RAB6B: variants seen among roughly 807,000 people sequenced by gnomAD.
RAB6B encodes the protein ras-related protein Rab-6B.
In RAB6B, 7 loss-of-function variants were observed where a neutral mutation model predicts 31.2. That is an observed-to-expected ratio of 0.22 (90% CI 0.13 to 0.42). The LOEUF (loss-of-function observed/expected upper bound fraction) is 0.42, where lower values mean the gene tolerates loss of function less well. Ranked by LOEUF, RAB6B falls within the 10% of genes least tolerant of loss-of-function variation. The pLI is 1.00. For missense variants in RAB6B, 149 were observed against 280.6 expected (o/e 0.53, Z 3.35); for synonymous variants, 105 against 104.9 (o/e 1.00, Z -0.01).
At chr3:133,838,484 CCTTT>C (rs1362991458) in intron 5 of RAB6B, among the ~76,000 whole-genome samples, 3 of 152,224 alleles carry the variant, frequency 2.0e-5, no homozygotes, top group African/African-American at 4.8e-5. Flanking sequence ...CCCACTCCTT[CCTTT>C]GTGTCTTCTC....
At chr3:133,842,276 T>C (rs956155184) in intron 2 of RAB6B, among the ~76,000 whole-genome samples, 3 of 152,224 alleles carry the variant, frequency 2.0e-5, no homozygotes, top group African/African-American at 7.2e-5. Context: ...AGCTCCCCTG[T>C]GCCACACCTA....
chr3:133,871,791 C>G (rs1936327473), intron 1 of RAB6B, among the ~76,000 whole-genome samples: 1 of 152,268 alleles, frequency 6.6e-6, no homozygotes, highest in Non-Finnish European at 1.5e-5. Flanking sequence ...GTGTACCACC[C>G]ACTAGCTAGC....
chr3:133,890,256 G>GC (rs913166237), intron 1 of RAB6B, among the ~76,000 whole-genome samples: 1 of 152,110 alleles, frequency 6.6e-6, no homozygotes, highest in African/African-American at 2.4e-5. Context: ...ATGAGGAAGT[G>GC]CCCCCCAAGA....
intron 1 of RAB6B, among the ~76,000 whole-genome samples, chr3:133,868,138 G>A (rs1324309021): frequency 6.6e-6 from 1 of 152,128 alleles, no homozygotes; most frequent in Non-Finnish European, 1.5e-5. Flanking sequence ...GTGGGTAAGG[G>A]GTTGTGCTGT....
chr3:133,827,797 C>A lies in RAB6B; in HGVS notation c.*991G>T. ...CACAGAGGATCAACTCCAGGTGGTC[C>A]AGCTTCCCTGACATCCAGGAGGAAG... On this transcript the variant is annotated 3_prime_UTR_variant, in exon 8 of 8. Transcript: ENST00000285208. 1 of 351,294 alleles carries A rather than the reference C, an allele frequency of 2.8e-6. No individual in the cohort carries two copies. Among genetic ancestry groups the A allele is most frequent in the South Asian group, 2.1e-5 (1 of 47,042 alleles). 21.8% of individuals were successfully genotyped at this position (351,294 alleles called of 1,614,324 possible). A position where few individuals can be genotyped will look rare whatever the true frequency, so the allele number is the denominator to read the frequency against.
chr3:133,842,919 T>C (rs1205659722), intron 2 of RAB6B, among the ~76,000 whole-genome samples: 2 of 152,240 alleles, frequency 1.3e-5, no homozygotes, highest in African/African-American at 4.8e-5. Flanking sequence ...TTGTGTGGAA[T>C]GCCATGATTT....
intron 1 of RAB6B, among the ~76,000 whole-genome samples, 177 bp from the exon 2 acceptor site, chr3:133,864,819 G>A (rs926612490): frequency 6.6e-6 from 1 of 151,442 alleles, no homozygotes; most frequent in Non-Finnish European, 1.5e-5. Flanking sequence ...AGGCCACCGA[G>A]TCTCTATACC....
chr3:133,891,351 C>A (rs910712222), intron 1 of RAB6B, among the ~76,000 whole-genome samples: 1 of 152,208 alleles, frequency 6.6e-6, no homozygotes, highest in African/African-American at 2.4e-5. Flanking sequence ...ACAGGCAAGG[C>A]CCTCTGGGTA....
chr3:133,876,583 T>C (rs1359152754), intron 1 of RAB6B, among the ~76,000 whole-genome samples: 3 of 152,090 alleles, frequency 2.0e-5, no homozygotes, highest in African/African-American at 7.2e-5. Context: ...CCCTAATTAT[T>C]GAAGGTAGAC....
chr3:133,838,922 T>C (rs1315753887), intron 5 of RAB6B, among the ~76,000 whole-genome samples: 1 of 152,188 alleles, frequency 6.6e-6, no homozygotes, highest in Non-Finnish European at 1.5e-5. Context: ...TCATGTAAAA[T>C]GAGTGGACAA....
chr3:133,892,711 T>A (rs1409536532), intron 1 of RAB6B, among the ~76,000 whole-genome samples: 1 of 152,174 alleles, frequency 6.6e-6, no homozygotes, highest in Non-Finnish European at 1.5e-5. Context: ...TGAGCTCAGC[T>A]GGCCCAAGTC....
intron 1 of RAB6B, among the ~76,000 whole-genome samples, chr3:133,874,893 A>G (rs1350303115): frequency 2.0e-5 from 3 of 152,098 alleles, no homozygotes; most frequent in Non-Finnish European, 4.4e-5. Context: ...AGGATCACCA[A>G]TATCGCTGTC....
intron 7 of RAB6B, among the ~76,000 whole-genome samples, chr3:133,833,292 C>CT (rs1273886057): frequency 7.2e-5 from 11 of 152,148 alleles, no homozygotes; most frequent in Admixed American, 7.2e-4. Context: ...CCTCAGTTTC[C>CT]TTATCTGTGA....
At chr3:133,891,778 T>C (rs145052776) in intron 1 of RAB6B, among the ~76,000 whole-genome samples, 1 of 152,330 alleles carries the variant, frequency 6.6e-6, no homozygotes, top group Non-Finnish European at 1.5e-5. Context: ...AGGAATGCTA[T>C]TCACAGTATG....
At chr3:133,834,489 C>A (rs1385354182) in intron 7 of RAB6B, 86 bp downstream of exon 7, 54 of 1,417,810 alleles carry the variant, frequency 3.8e-5, no homozygotes, top group Non-Finnish European at 2.1e-5. Flanking sequence ...GGGGACTGGG[C>A]GAGTGTCTGT....
intron 1 of RAB6B, among the ~76,000 whole-genome samples, chr3:133,889,388 T>TTTTTTATATATATA (rs1277081488): frequency 1.2e-5 from 1 of 80,274 alleles, no homozygotes; most frequent in Non-Finnish European, 2.5e-5. Context: ...GGTTATTTTG[T>TTTTTTATATATATA]TATATATATA....
intron 6 of RAB6B, 94 bp from the exon 7 acceptor site, chr3:133,834,735 A>G: frequency 8.4e-7 from 1 of 1,186,818 alleles, no homozygotes. Context: ...TCCCCTCCCA[A>G]CCTGCAGCTT....
chr3:133,873,432 C>A (rs1487561714), intron 1 of RAB6B, among the ~76,000 whole-genome samples: 1 of 152,160 alleles, frequency 6.6e-6, no homozygotes, highest in East Asian at 1.9e-4. Context: ...AGAGGCTCCA[C>A]CTTTAACACA....
intron 1 of RAB6B, among the ~76,000 whole-genome samples, chr3:133,890,713 A>C (rs934250816): frequency 2.0e-5 from 3 of 152,148 alleles, no homozygotes; most frequent in Non-Finnish European, 4.4e-5. Flanking sequence ...TAATCTCATC[A>C]TTTTCAAATC....
Sources: allele counts gnomAD v4.1 joint callset (sites outside exome capture counted in the v4.1 genomes callset), GRCh38; gene constraint gnomAD v4.1.1; transcripts MANE v1.5; gene names NCBI Gene and HGNC (gene_info 2026-07-23, HGNC 2026-07-21).